Variants in KDM4C observed in about 807,000 individuals in gnomAD.
KDM4C encodes the protein lysine demethylase 4C.
A neutral mutation model predicts 129.3 loss-of-function variants in KDM4C; 81 were observed. That is an observed-to-expected ratio of 0.63 (90% CI 0.52 to 0.75). The LOEUF (loss-of-function observed/expected upper bound fraction) is 0.75. Among genes scored for constraint, KDM4C ranks in the 30% least tolerant of loss-of-function variants. The pLI, the probability that KDM4C is intolerant of heterozygous loss-of-function variation, is 0.00. For synonymous variants in KDM4C, 573 were observed against 456.1 expected (o/e 1.26, Z -3.26); for missense variants, 1,457 against 1,304.0 (o/e 1.12, Z -1.81).
At chr9:7,138,218 T>C (rs1161309291) in intron 19 of KDM4C, among the ~76,000 whole-genome samples, 7 of 152,198 alleles carry the variant, frequency 4.6e-5, no homozygotes, top group Admixed American at 4.6e-4. Context: ...TGCTAAGAAG[T>C]GAGTGAAATG....
At chr9:6,794,860 A>T (rs1341134266) in intron 2 of KDM4C, among the ~76,000 whole-genome samples, 4 of 152,190 alleles carry the variant, frequency 2.6e-5, no homozygotes, top group African/African-American at 9.7e-5. Flanking sequence ...GGTCCAAAGT[A>T]AGATCTTTGA....
At chr9:6,865,332 C>A (rs1841758157) in intron 5 of KDM4C, among the ~76,000 whole-genome samples, 1 of 152,092 alleles carries the variant, frequency 6.6e-6, no homozygotes, top group African/African-American at 2.4e-5. Context: ...TTGATAAATT[C>A]TTGAACTCCT....
intron 19 of KDM4C, among the ~76,000 whole-genome samples, chr9:7,136,655 A>T (rs772532464): frequency 1.4e-4 from 22 of 152,212 alleles, no homozygotes; most frequent in Non-Finnish European, 5.9e-5. Flanking sequence ...CAAACCAGTA[A>T]TATATTTTAC....
chr9:6,799,132 G>T (rs529045952), intron 2 of KDM4C, among the ~76,000 whole-genome samples: 1 of 152,048 alleles, frequency 6.6e-6, no homozygotes, highest in Non-Finnish European at 1.5e-5. Context: ...GGGCGGCCAG[G>T]CAGAGACACT....
At chr9:6,824,036 A>C (rs765713476) in intron 4 of KDM4C, among the ~76,000 whole-genome samples, 1 of 152,372 alleles carries the variant, frequency 6.6e-6, no homozygotes, top group Non-Finnish European at 1.5e-5. Context: ...ACTTAGCTGC[A>C]GACTATATTC....
intron 19 of KDM4C, among the ~76,000 whole-genome samples, chr9:7,129,031 G>C (rs976420930): frequency 6.6e-6 from 1 of 152,138 alleles, no homozygotes; most frequent in Admixed American, 6.5e-5. Flanking sequence ...AGTTAGTCTG[G>C]TGCTGATCCT....
chr9:7,112,074 G>A (rs974947078), intron 18 of KDM4C, among the ~76,000 whole-genome samples: 6 of 152,052 alleles, frequency 3.9e-5, no homozygotes, highest in Non-Finnish European at 7.4e-5. Context: ...CACAAAGTGG[G>A]TCATGCTGAG....
At chr9:7,030,839 C>G (rs909792952) in intron 15 of KDM4C, among the ~76,000 whole-genome samples, 4 of 151,970 alleles carry the variant, frequency 2.6e-5, no homozygotes, top group Admixed American at 2.0e-4. Context: ...TATTGCCATG[C>G]TATCAAAAAC....
chr9:7,068,051 C>T (rs1832686430), intron 17 of KDM4C, among the ~76,000 whole-genome samples: 1 of 152,206 alleles, frequency 6.6e-6, no homozygotes, highest in South Asian at 2.1e-4. Flanking sequence ...CCGCCTCGGC[C>T]TCCCAAAGTG....
chr9:6,982,288 G>A (rs1442842323), intron 9 of KDM4C: 2 of 151,918 alleles, frequency 1.3e-5, no homozygotes, highest in Admixed American at 1.3e-4. Flanking sequence ...TAGGAACATG[G>A]AGTCAAACTT....
intron 5 of KDM4C, among the ~76,000 whole-genome samples, chr9:6,865,464 A>G (rs1588800285): frequency 6.6e-6 from 1 of 152,142 alleles, no homozygotes; most frequent in East Asian, 1.9e-4. Flanking sequence ...TGCTTTGTCC[A>G]TTTGAGAAGG....
intron 17 of KDM4C, among the ~76,000 whole-genome samples, chr9:7,091,537 T>C (rs1011976126): frequency 6.6e-6 from 1 of 152,212 alleles, no homozygotes; most frequent in African/African-American, 2.4e-5. Context: ...TTATCTTTTG[T>C]TGAGAGTTAG....
At chr9:6,960,800 T>C (rs1829909326) in intron 8 of KDM4C, among the ~76,000 whole-genome samples, 1 of 152,202 alleles carries the variant, frequency 6.6e-6, no homozygotes, top group South Asian at 2.1e-4. Context: ...ATTGTCATTT[T>C]TAGCAGCATC....
intron 5 of KDM4C, among the ~76,000 whole-genome samples, chr9:6,861,447 C>T (rs370418273): frequency 2.6e-5 from 4 of 152,296 alleles, no homozygotes; most frequent in South Asian, 4.2e-4. Flanking sequence ...TACAGTCATG[C>T]ATCCTGTGTG....
intron 8 of KDM4C, among the ~76,000 whole-genome samples, chr9:6,971,470 G>A (rs1169011471): frequency 1.3e-5 from 2 of 152,136 alleles, no homozygotes; most frequent in East Asian, 1.9e-4. Flanking sequence ...ACACCTGATC[G>A]TACCAAATCA....
At chr9:7,064,357 T>C (rs1832122200) in intron 17 of KDM4C, among the ~76,000 whole-genome samples, 1 of 152,224 alleles carries the variant, frequency 6.6e-6, no homozygotes, top group Admixed American at 6.5e-5. Flanking sequence ...CTTTAAAGTT[T>C]TAAAATGAGC....
At chr9:7,117,705 C>A (rs1839063273) in intron 18 of KDM4C, among the ~76,000 whole-genome samples, 1 of 151,410 alleles carries the variant, frequency 6.6e-6, no homozygotes, top group Admixed American at 6.6e-5. Flanking sequence ...ATATATTGCT[C>A]TTCCTAAATT....
chr9:6,936,242 C>T (rs895805564), intron 8 of KDM4C, among the ~76,000 whole-genome samples: 1 of 152,136 alleles, frequency 6.6e-6, no homozygotes, highest in African/African-American at 2.4e-5. Context: ...AACTTCACTG[C>T]TTACTAAATG....
intron 17 of KDM4C, among the ~76,000 whole-genome samples, chr9:7,094,651 T>C (rs2133073803): frequency 6.6e-6 from 1 of 152,316 alleles, no homozygotes; most frequent in Admixed American, 6.5e-5. Context: ...GAGTTAACTC[T>C]TCTCACAGCT....
Sources: gnomAD v4.1 joint callset for allele counts (sites outside exome capture counted in the v4.1 genomes callset) on GRCh38, gnomAD v4.1.1 for gene constraint, MANE v1.5 for transcripts, NCBI Gene and HGNC (gene_info 2026-07-23, HGNC 2026-07-21) for gene names.